The following CIP2A variants were observed in gnomAD, a reference collection of about 807,000 sequenced individuals.
CIP2A encodes protein CIP2A.
Under a neutral mutation model 110.9 loss-of-function variants are expected in CIP2A, and 103 were observed. The ratio of observed to expected loss-of-function variants is 0.93; its 90% confidence interval spans 0.79 to 1.09. The LOEUF is 1.09. Among genes scored for constraint, CIP2A ranks in the 50% least tolerant of loss-of-function variants. The pLI is 0.00. For missense variants in CIP2A, 1,088 were observed against 1,038.4 expected (o/e 1.05, Z -0.66); for synonymous variants, 381 against 361.6 (o/e 1.05, Z -0.61).
At chr3:108,565,603 A>AT in intron 11 of CIP2A, 149 bp from the exon 12 acceptor site, 1 of 529,634 alleles carries the variant, frequency 1.9e-6, no homozygotes, top group Non-Finnish European at 3.4e-6. Context: ...AGAAGTAAAA[A>AT]TCTCAATCAA....
At chr3:108,562,942 G>C (rs1013052337) in intron 13 of CIP2A, among the ~76,000 whole-genome samples, 184 bp downstream of exon 13, 1 of 152,136 alleles carries the variant, frequency 6.6e-6, no homozygotes, top group East Asian at 1.9e-4. Flanking sequence ...TTTTCCCTGA[G>C]TGAGTATACA....
At chr3:108,557,865 C>T (rs1212351775) in intron 16 of CIP2A, among the ~76,000 whole-genome samples, 1 of 152,034 alleles carries the variant, frequency 6.6e-6, no homozygotes, top group Non-Finnish European at 1.5e-5. Context: ...AGAATGTAAC[C>T]TATACCATAA....
Position 108,560,895 on chromosome 3 carries a change from G to A in CIP2A, c.1635-54C>T, listed in dbSNP as rs1389988864. On this transcript the variant is annotated intron_variant, in intron 13 of 20. Coordinates refer to ENST00000295746, the MANE Select transcript of CIP2A (RefSeq NM_020890.3). ...AAATTATACGAAAATAGAAGAAAAGGCAGACTTAGTGCAGAATTAGGGAAT... is the reference window on the plus strand; with the variant it reads ...AAATTATACGAAAATAGAAGAAAAGACAGACTTAGTGCAGAATTAGGGAAT... The A allele has an allele frequency of 2.3e-6, 3 of 1,283,264 alleles. No homozygotes were observed. In the African/African-American group the frequency reaches 4.6e-5, roughly 20 times the overall value. 79.5% of individuals were successfully genotyped at this position (1,283,264 alleles called of 1,614,324 possible).
chr3:108,576,203 A>T, intron 8 of CIP2A, 68 bp downstream of exon 8: 1 of 913,796 alleles, frequency 1.1e-6, no homozygotes, highest in South Asian at 1.6e-5. Flanking sequence ...TGTATTTTGC[A>T]GTTTTTTAAA....
intron 19 of CIP2A, among the ~76,000 whole-genome samples, chr3:108,553,276 A>G (rs1937641551): frequency 6.6e-6 from 1 of 151,478 alleles, no homozygotes. Context: ...ACAGGTGCAC[A>G]CTAACACACC....
intron 7 of CIP2A, among the ~76,000 whole-genome samples, chr3:108,577,802 G>C (rs1938713034): frequency 6.6e-6 from 1 of 152,142 alleles, no homozygotes; most frequent in African/African-American, 2.4e-5. Flanking sequence ...GGGAGGCTGA[G>C]GCATGAGAAT....
At chr3:108,574,983 G>A (rs1938520720) in intron 8 of CIP2A, 6 of 152,428 alleles carry the variant, frequency 3.9e-5, no homozygotes, top group Admixed American at 3.9e-4. Context: ...CGGCTGAGAA[G>A]TGGCTCATCC....
chr3:108,554,925 T>C (rs1478893188), intron 17 of CIP2A, among the ~76,000 whole-genome samples: 1 of 152,144 alleles, frequency 6.6e-6, no homozygotes, highest in East Asian at 1.9e-4. Flanking sequence ...ACCATAAGCA[T>C]AAAATGTCTT....
Position 108,569,181 on chromosome 3 carries a change from T to TATATATATATATACAC in CIP2A, c.1113+207_1113+208insGTGTATATATATATAT. Among the ~76,000 whole-genome samples the TATATATATATATACAC allele has an allele frequency of 3.4e-5, 2 of 58,274 alleles. 1 individual carries two copies. Among genetic ancestry groups the TATATATATATATACAC allele is most frequent in the Admixed American group, 4.7e-4 (2 of 4,262 alleles). 38.2% of individuals were successfully genotyped at this position (58,274 alleles called of 152,430 possible). A position where few individuals can be genotyped will look rare whatever the true frequency, so the allele number is the denominator to read the frequency against. Reference sequence around the variant, plus strand: ...CTGAAATGAGCACTATATATATATATACATACACACTACTCAGTGAAAAAA... The same window carrying TATATATATATATACAC: ...CTGAAATGAGCACTATATATATATATATATATATATATACACACATACACACTACTCAGTGAAAAAA... On this transcript the variant is annotated intron_variant, in intron 9 of 20. Transcript: ENST00000295746.
intron 9 of CIP2A, 28 bp downstream of exon 9, chr3:108,569,359 GAA>G (rs536207310): frequency 1.4e-4 from 210 of 1,517,472 alleles, no homozygotes; most frequent in African/African-American, 1.3e-3. Flanking sequence ...CACAAAAGTA[GAA>G]AAGTCAATCT....
intron 8 of CIP2A, among the ~76,000 whole-genome samples, chr3:108,571,547 T>G (rs1938402827): frequency 6.6e-6 from 1 of 152,204 alleles, no homozygotes; most frequent in African/African-American, 2.4e-5. Flanking sequence ...TTTGTGTATC[T>G]TACCATATGT....
rs1246321853 is a variant in CIP2A, at chr3:108,557,312, C to CA, written c.2115dup (p.Asp706Ter). 5.6e-6 allele frequency: 9 copies of CA among 1,612,246 alleles called. No homozygotes were observed. Among genetic ancestry groups the CA allele is most frequent in the Non-Finnish European group, 7.6e-6 (9 of 1,178,828 alleles). On this transcript the variant is annotated frameshift_variant, in exon 17 of 21. Coordinates refer to ENST00000295746, the MANE Select transcript of CIP2A (RefSeq NM_020890.3). LOFTEE classifies it high-confidence loss of function. ...TTATGTTGAAAGAGATGCTCAATAT[C>CA]ACTCTGCGCTCTTTCTGATTCAACT... is the stretch of plus-strand genomic sequence containing the variant.
Position 108,559,951 on chromosome 3 carries a change from C to T in CIP2A, c.1902+3G>A, listed in dbSNP as rs1296073728. On this transcript the variant is annotated splice_donor_region_variant and intron_variant, in intron 15 of 20. Transcript: ENST00000295746. The stretch of plus-strand genomic sequence containing the variant: ...CACATTGTTAAAATAAGCTTATACT[C>T]ACAGCTAATGTGGATAGTTTCATTT... 6.3e-7 allele frequency: 1 copy of T among 1,590,492 alleles called. No homozygotes were observed. The highest frequency in any genetic ancestry group is 1.1e-5 in the South Asian group (1 of 89,924).
rs13071874 is a variant in CIP2A at position 108,554,425 on chromosome 3, T to C, written c.2275A>G (p.Ile759Val). The change falls in exon 18 of 21, where the codon ATT becomes GTT. Residue 759 changes from isoleucine to valine, a missense_variant. Ile to Val is a conservative substitution (Grantham distance 29). Coordinates refer to ENST00000295746, the MANE Select transcript of CIP2A (RefSeq NM_020890.3). ...QITCDSLNKQ[I>V]ETVKKLNESL... is the part of the protein sequence containing the mutation. The stretch of plus-strand genomic sequence containing the variant: ...TCATTCAACTTTTTCACTGTCTCAA[T>C]TTGTTTATTCAGAGAATCACATGTG... The C allele has an allele frequency of 9.2e-3, 14,436 of 1,567,210 alleles. 109 individuals carry two copies. The highest frequency in any genetic ancestry group is 0.028 in the Middle Eastern group (163 of 5,724).
At position 108,582,317 on chromosome 3, in the gene CIP2A, T is replaced by C. The variant is rs749643549; in HGVS notation, c.358-115A>G. 267 of 456,624 alleles carry C rather than the reference T, an allele frequency of 5.8e-4. 1 individual carries two copies. Among genetic ancestry groups the C allele is most frequent in the Non-Finnish European group, 9.1e-4 (231 of 252,546 alleles). The allele number at this position is 456,624 out of a possible 1,614,324, so 28.3% of individuals were successfully genotyped here. On this transcript the variant is annotated intron_variant, in intron 3 of 20. Transcript: ENST00000295746. ...CTTTTCCATTTCCTAAAACAATTTT[T>C]TTAAAAAACACATGTAAAGTAATGT... is the stretch of plus-strand genomic sequence containing the variant.
In CIP2A at chr3:108,563,242, G is replaced by T. The variant is rs778432036; in HGVS notation, c.1518C>A (p.Asp506Glu). ...AAGCCAAAGGAGTAATCAAACGTGG[G>T]TCCTAAATAAATCAGAAACCAAAAA... is the stretch of plus-strand genomic sequence containing the variant. ...MEVSFYKILQ[D>E]PRLITPLAFA... is the part of the protein sequence containing the mutation. The change falls in exon 13 of 21, where the codon GAC (aspartate) becomes GAA (glutamate). Residue 506 changes from aspartate to glutamate, a missense_variant and splice_region_variant. Transcript: ENST00000295746. 1.9e-6 allele frequency: 3 copies of T among 1,590,630 alleles called. No individual in the cohort carries two copies. The highest frequency in any genetic ancestry group is 1.3e-5 in the African/African-American group (1 of 74,220).
intron 8 of CIP2A, among the ~76,000 whole-genome samples, chr3:108,575,468 G>A (rs1261644456): frequency 6.8e-6 from 1 of 146,342 alleles, no homozygotes; most frequent in African/African-American, 2.5e-5. Context: ...ATACATGTGA[G>A]TATATATACA....
At chr3:108,574,210 C>T (rs1428175787) in intron 8 of CIP2A, among the ~76,000 whole-genome samples, 2 of 152,022 alleles carry the variant, frequency 1.3e-5, no homozygotes, top group Non-Finnish European at 2.9e-5. Context: ...GAGACATAAA[C>T]AGACACGTCA....
intron 12 of CIP2A, 128 bp downstream of exon 12, chr3:108,565,227 T>C: frequency 1.8e-6 from 1 of 559,086 alleles, no homozygotes; most frequent in Non-Finnish European, 3.2e-6. Context: ...GACAACAACT[T>C]TAAACTTTCT....
Sources: gnomAD v4.1 joint callset for allele counts (sites outside exome capture counted in the v4.1 genomes callset) on GRCh38, gnomAD v4.1.1 for gene constraint, MANE v1.5 for transcripts, NCBI Gene and HGNC (gene_info 2026-07-23, HGNC 2026-07-21) for gene names.